Variants in DNAH12 observed in about 807,000 individuals in gnomAD.
DNAH12 encodes the protein dynein axonemal heavy chain 12.
Under a neutral mutation model 371.5 loss-of-function variants are expected in DNAH12, and 285 were observed. The ratio of observed to expected loss-of-function variants is 0.77; its 90% CI spans 0.70 to 0.85. The LOEUF (loss-of-function observed/expected upper bound fraction) is 0.85, where lower values mean the gene tolerates loss of function less well. Among genes scored for constraint, DNAH12 ranks in the 40% least tolerant of loss-of-function variants. DNAH12 has a pLI of 0.00. For synonymous variants in DNAH12, 1,200 were observed against 1,213.0 expected, an observed-to-expected ratio of 0.99 and a Z score of 0.22; for missense variants, 3,611 against 3,689.4, an observed-to-expected ratio of 0.98 and a Z score of 0.55.
Position 57,293,735 on chromosome 3 carries a change from GTTTT to G in DNAH12, c.*42_*45del, listed in dbSNP as rs370335542. 13 of 1,118,222 alleles carry G rather than the reference GTTTT, an allele frequency of 1.2e-5. No individual in the cohort carries two copies. Among genetic ancestry groups the G allele is most frequent in the East Asian group, 3.3e-5 (1 of 30,452 alleles). The allele number at this position is 1,118,222 out of a possible 1,614,324, so 69.3% of individuals were successfully genotyped here. On this transcript the variant is annotated 3_prime_UTR_variant, in exon 74 of 74. Transcript: ENST00000495027. Reference sequence around the variant, plus strand: ...AATGTATATATTTTAAGTAGGACAGGTTTTTTTTTTTTTAAACTTTTGGATGTTT... The same window carrying G: ...AATGTATATATTTTAAGTAGGACAGGTTTTTTTTTAAACTTTTGGATGTTT...
At chr3:57,433,902 T>A in intron 30 of DNAH12, 74 bp from the exon 31 acceptor site, 1 of 1,226,580 alleles carries the variant, frequency 8.2e-7, no homozygotes, top group Non-Finnish European at 1.1e-6. Flanking sequence ...TATATAAAAC[T>A]TTACCCTGTG....
chr3:57,312,373 A>C lies in DNAH12; in HGVS notation c.10663-1423T>G, dbSNP rs80088311. ...TTCCTTCCCCTCCCAAAGCTGAAGG[A>C]AGAGACTTCACGAGAATGTAATGTT... On this transcript the variant is annotated intron_variant, in intron 66 of 73. Coordinates refer to ENST00000495027, the MANE Select transcript of DNAH12 (RefSeq NM_001366028.2). 7.4e-3 allele frequency among the ~76,000 whole-genome samples: 1,121 copies of C among 152,276 alleles called. 12 individuals are homozygous for C. Among genetic ancestry groups the C allele is most frequent in the African/African-American group, 0.025 (1,040 of 41,554 alleles).
chr3:57,521,062 TCAA>T (rs2068416487), intron 4 of DNAH12, among the ~76,000 whole-genome samples: 1 of 41,224 alleles, frequency 2.4e-5, no homozygotes, highest in South Asian at 1.0e-3. Context: ...AGACTCTGTC[TCAA>T]AAAAAAAAAA....
chr3:57,322,751 G>A (rs2061837280), intron 64 of DNAH12, among the ~76,000 whole-genome samples: 1 of 152,134 alleles, frequency 6.6e-6, no homozygotes, highest in South Asian at 2.1e-4. Flanking sequence ...CTGACATGGT[G>A]AAACCCCATT....
intron 16 of DNAH12, 84 bp from the exon 17 acceptor site, chr3:57,469,063 T>C: frequency 7.5e-7 from 1 of 1,325,500 alleles, no homozygotes; most frequent in South Asian, 1.5e-5. Flanking sequence ...AGACCCCTTG[T>C]TTTTTAAGAG....
intron 11 of DNAH12, among the ~76,000 whole-genome samples, chr3:57,492,544 T>C (rs1364649567): frequency 6.6e-6 from 1 of 152,016 alleles, no homozygotes; most frequent in East Asian, 1.9e-4. Context: ...TCCCCCAAAA[T>C]AGGCATACTA....
intron 17 of DNAH12, among the ~76,000 whole-genome samples, chr3:57,465,599 C>A (rs2066176382): frequency 6.6e-6 from 1 of 151,866 alleles, no homozygotes; most frequent in Non-Finnish European, 1.5e-5. Context: ...AGTTCAGAAC[C>A]CAAGAGCCAT....
intron 4 of DNAH12, among the ~76,000 whole-genome samples, chr3:57,514,812 A>G (rs1355287265): frequency 6.6e-6 from 1 of 152,190 alleles, no homozygotes; most frequent in African/African-American, 2.4e-5. Context: ...ATAATTACCT[A>G]TTGAAAAGGA....
chr3:57,322,444 T>C lies in DNAH12; in HGVS notation c.10423A>G (p.Asn3475Asp). The stretch of plus-strand genomic sequence containing the variant: ...AGCCGAAGACCCGTGGGAGGTTCAT[T>C]AGTCATTTTTACTCCATTCTGTAGA... The part of the protein sequence containing the change: ...TILQNGVKMT[N>D]EPPTGLRLNL... The change falls in exon 65 of 74, where the codon AAT becomes GAT. Residue 3475 changes from asparagine to aspartate, a missense_variant. Physicochemically the swap from Asn to Asp is conservative, Grantham distance 23. Transcript: ENST00000495027. 1 of 1,552,244 alleles carries C rather than the reference T, an allele frequency of 6.4e-7. No homozygotes were observed.
At chr3:57,420,705 T>C (rs1312606697) in intron 36 of DNAH12, among the ~76,000 whole-genome samples, 1 of 151,862 alleles carries the variant, frequency 6.6e-6, no homozygotes, top group Non-Finnish European at 1.5e-5. Context: ...GTCAGGAGAC[T>C]GAGACCATCC....
intron 8 of DNAH12, among the ~76,000 whole-genome samples, chr3:57,504,442 ACT>A (rs1241878637): frequency 1.3e-5 from 2 of 151,900 alleles, no homozygotes; most frequent in Non-Finnish European, 2.9e-5. Flanking sequence ...ACAGTGTCTC[ACT>A]CTGTTGCCCA....
At chr3:57,540,012 C>G (rs1029724009) in intron 2 of DNAH12, among the ~76,000 whole-genome samples, 1 of 152,044 alleles carries the variant, frequency 6.6e-6, no homozygotes, top group African/African-American at 2.4e-5. Flanking sequence ...CTCTCACTAG[C>G]ATACAAACAA....
chr3:57,417,257 A>T (rs1028018381), intron 37 of DNAH12, among the ~76,000 whole-genome samples: 1 of 152,166 alleles, frequency 6.6e-6, no homozygotes, highest in African/African-American at 2.4e-5. Flanking sequence ...TCTAAAAAAA[A>T]ATTTAAAAAA....
intron 4 of DNAH12, among the ~76,000 whole-genome samples, chr3:57,514,954 ATTAT>A (rs1244220191): frequency 1.3e-5 from 2 of 152,192 alleles, no homozygotes; most frequent in Non-Finnish European, 2.9e-5. Context: ...CAATTTTGAA[ATTAT>A]TTATGTATAC....
In DNAH12 at chr3:57,446,669, G is replaced by A. The variant is rs1401187033; in HGVS notation, c.3807C>T (p.Asn1269=). The stretch of plus-strand genomic sequence containing the variant: ...CTGGCCCCTCTGGAGCACCTCCAAG[G>A]TTTAAATAGAAAGCACCTATCTGAA... The part of the protein sequence containing the change: ...YRTLIGAFYL[N]LGGAPEGPAG... Residue 1269 remains asparagine (N), a synonymous_variant, in exon 26 of 74, where the codon AAC becomes AAT. Transcript: ENST00000495027. 4.0e-6 allele frequency: 6 copies of A among 1,513,886 alleles called. No individual in the cohort carries two copies. The highest frequency in any genetic ancestry group is 5.3e-6 in the Non-Finnish European group (6 of 1,131,064). The allele number at this position is 1,513,886 out of a possible 1,614,324, so 93.8% of individuals were successfully genotyped here.
intron 69 of DNAH12, among the ~76,000 whole-genome samples, chr3:57,302,420 G>C (rs1030020214): frequency 4.0e-5 from 6 of 150,292 alleles, no homozygotes; most frequent in African/African-American, 1.5e-4. Flanking sequence ...TATACTTGTA[G>C]TGAGAGTTTT....
At chr3:57,446,483 G>T in intron 26 of DNAH12, 54 bp downstream of exon 26, 1 of 1,486,620 alleles carries the variant, frequency 6.7e-7, no homozygotes, top group African/African-American at 1.4e-5. Flanking sequence ...TATCCAATTA[G>T]ACCTAGCTGT....
chr3:57,319,218 G>A (rs2061751172), intron 65 of DNAH12, among the ~76,000 whole-genome samples: 1 of 152,060 alleles, frequency 6.6e-6, no homozygotes, highest in African/African-American at 2.4e-5. Flanking sequence ...TGTTGATTTT[G>A]TACCCTAAAC....
intron 32 of DNAH12, among the ~76,000 whole-genome samples, chr3:57,430,483 G>GT (rs906763824): frequency 6.6e-6 from 1 of 152,104 alleles, no homozygotes; most frequent in African/African-American, 2.4e-5. Context: ...TATGCATTGA[G>GT]TTTTTTATGT....
Sources: allele counts gnomAD v4.1 joint callset (sites outside exome capture counted in the v4.1 genomes callset), GRCh38; gene constraint gnomAD v4.1.1; transcripts MANE v1.5; gene names NCBI Gene and HGNC (gene_info 2026-07-23, HGNC 2026-07-21).